Variants in ADAMTSL3 observed in about 807,000 individuals in gnomAD.
The protein encoded by ADAMTSL3 is ADAMTS like 3.
Under a neutral mutation model 201.7 loss-of-function variants are expected in ADAMTSL3, and 128 were observed. The observed-to-expected ratio is 0.63, with a 90% CI of 0.55 to 0.73. The LOEUF (loss-of-function observed/expected upper bound fraction) is 0.73. Among genes scored for constraint, ADAMTSL3 ranks in the 30% least tolerant of loss-of-function variants. ADAMTSL3 has a pLI of 0.00. For synonymous variants in ADAMTSL3, 738 were observed against 748.4 expected (o/e 0.99, Z 0.23); for missense variants, 1,990 against 2,119.6 (o/e 0.94, Z 1.20).
At chr15:83,677,249 C>G (rs561210192) in intron 2 of ADAMTSL3, among the ~76,000 whole-genome samples, 88 of 152,094 alleles carry the variant, frequency 5.8e-4, no homozygotes, top group African/African-American at 9.4e-4. Context: ...GTGTATTCTG[C>G]TGTTGTTGGG....
intron 19 of ADAMTSL3, among the ~76,000 whole-genome samples, chr15:83,947,781 A>G (rs2066681077): frequency 6.6e-6 from 1 of 152,078 alleles, no homozygotes; most frequent in African/African-American, 2.4e-5. Flanking sequence ...ACTGTGGTTG[A>G]TTCTGTGTCC....
intron 8 of ADAMTSL3, among the ~76,000 whole-genome samples, chr15:83,866,457 T>C (rs1255306797): frequency 6.6e-6 from 1 of 152,086 alleles, no homozygotes; most frequent in East Asian, 1.9e-4. Context: ...ATGTCCTTTG[T>C]AGGGACATGG....
chr15:84,014,695 C>A lies in ADAMTSL3; in HGVS notation c.4127C>A (p.Ala1376Glu). The A allele has an allele frequency of 6.2e-7, 1 of 1,610,882 alleles. No individual in the cohort carries two copies. The highest frequency in any genetic ancestry group is 8.5e-7 in the Non-Finnish European group (1 of 1,179,158). ...VCIATNALGK[A>E]VATSVLHLLE... is the part of the protein sequence containing the mutation. ...ATAGCCACCAATGCTCTTGGAAAGG[C>A]AGTGGCAACATCTGTACTCCACTTG... is the stretch of plus-strand genomic sequence containing the variant. Residue 1376 changes from alanine to glutamate, a missense_variant, in exon 24 of 30, where the codon GCA becomes GAA. Transcript: ENST00000286744.
intron 2 of ADAMTSL3, among the ~76,000 whole-genome samples, chr15:83,667,067 G>A (rs1426553500): frequency 6.6e-6 from 1 of 151,892 alleles, no homozygotes; most frequent in Non-Finnish European, 1.5e-5. Context: ...TAGTCTAGGA[G>A]GCTCTTAATT....
chr15:83,748,524 A>G (rs974433061), intron 3 of ADAMTSL3, among the ~76,000 whole-genome samples: 7 of 151,818 alleles, frequency 4.6e-5, no homozygotes, highest in African/African-American at 9.7e-5. Flanking sequence ...GGTGGTATGC[A>G]CTTGTAGTCC....
At chr15:83,659,843 C>T (rs1438168363) in intron 2 of ADAMTSL3, among the ~76,000 whole-genome samples, 5 of 152,106 alleles carry the variant, frequency 3.3e-5, no homozygotes, top group Non-Finnish European at 5.9e-5. Flanking sequence ...CAGGAGCTAA[C>T]GCATGCCAGC....
chr15:83,801,820 TAATC>T (rs1035620931), intron 4 of ADAMTSL3, among the ~76,000 whole-genome samples: 17 of 149,940 alleles, frequency 1.1e-4, no homozygotes, highest in Admixed American at 1.0e-3. Context: ...AATCTGAAAA[TAATC>T]AGCAGCATTG....
chr15:83,809,119 G>A (rs998010107), intron 5 of ADAMTSL3, among the ~76,000 whole-genome samples: 2 of 152,052 alleles, frequency 1.3e-5, no homozygotes, highest in African/African-American at 4.8e-5. Context: ...TCTCAATTTA[G>A]CCAGAAGAGA....
At chr15:83,814,811 G>T (rs1033190196) in intron 5 of ADAMTSL3, among the ~76,000 whole-genome samples, 3 of 152,160 alleles carry the variant, frequency 2.0e-5, no homozygotes, top group Non-Finnish European at 4.4e-5. Flanking sequence ...TTGCCTAAAT[G>T]TCTGATCTAC....
At chr15:83,872,763 A>G (rs1259690156) in intron 9 of ADAMTSL3, among the ~76,000 whole-genome samples, 1 of 111,448 alleles carries the variant, frequency 9.0e-6, no homozygotes, top group East Asian at 4.1e-4. Flanking sequence ...TAGTATTTCA[A>G]GATATTGTTT....
At chr15:83,784,628 C>G (rs1347773127) in intron 4 of ADAMTSL3, among the ~76,000 whole-genome samples, 7 of 152,066 alleles carry the variant, frequency 4.6e-5, no homozygotes, top group Non-Finnish European at 8.8e-5. Context: ...AAATTTTTCC[C>G]TGAAATTTTA....
At chr15:83,687,038 A>G (rs2061546098) in intron 2 of ADAMTSL3, among the ~76,000 whole-genome samples, 1 of 142,648 alleles carries the variant, frequency 7.0e-6, no homozygotes, top group African/African-American at 2.5e-5. Flanking sequence ...AAACAAACAA[A>G]CAAACAAACA....
intron 3 of ADAMTSL3, among the ~76,000 whole-genome samples, chr15:83,758,173 C>T (rs188037994): frequency 2.0e-5 from 3 of 152,062 alleles, no homozygotes; most frequent in African/African-American, 4.8e-5. Context: ...TGTATTAGTC[C>T]GTTTTCATGC....
At chr15:83,742,809 CCTT>C (rs1229896074) in intron 3 of ADAMTSL3, among the ~76,000 whole-genome samples, 11 of 152,102 alleles carry the variant, frequency 7.2e-5, no homozygotes, top group African/African-American at 1.2e-4. Flanking sequence ...AATGGGGTCA[CCTT>C]CTTCGGTCTG....
intron 3 of ADAMTSL3, among the ~76,000 whole-genome samples, chr15:83,745,324 T>A (rs1334469955): frequency 1.3e-5 from 2 of 152,238 alleles, no homozygotes; most frequent in Non-Finnish European, 2.9e-5. Flanking sequence ...TGGGTGCCAT[T>A]TGTGTGGATG....
chr15:83,894,818 C>CATAT (rs72182889), intron 13 of ADAMTSL3, among the ~76,000 whole-genome samples: 2,277 of 150,526 alleles, frequency 0.015, 61 homozygotes, highest in African/African-American at 0.052. Context: ...GTCAAAATAA[C>CATAT]ATATATATAT....
intron 3 of ADAMTSL3, among the ~76,000 whole-genome samples, chr15:83,761,025 A>G (rs1171756111): frequency 1.3e-5 from 2 of 152,138 alleles, no homozygotes; most frequent in African/African-American, 4.8e-5. Flanking sequence ...CCATCTGCCT[A>G]CATTCCTTTT....
intron 4 of ADAMTSL3, among the ~76,000 whole-genome samples, chr15:83,788,108 CTTT>C (rs916321200): frequency 6.6e-6 from 1 of 152,018 alleles, no homozygotes; most frequent in Non-Finnish European, 1.5e-5. Flanking sequence ...AATTACCTTG[CTTT>C]TTTATTTGCT....
At chr15:83,823,943 CTTCTTCTTCTTCTT>C in intron 6 of ADAMTSL3, among the ~76,000 whole-genome samples, 1 of 104,374 alleles carries the variant, frequency 9.6e-6, no homozygotes, top group Non-Finnish European at 2.2e-5. Context: ...TCTTCTTCTT[CTTCTTCTTCTTCTT>C]CTTCTTCTTC....
Sources: gnomAD v4.1 joint callset for allele counts (sites outside exome capture counted in the v4.1 genomes callset) on GRCh38, gnomAD v4.1.1 for gene constraint, MANE v1.5 for transcripts, NCBI Gene and HGNC (gene_info 2026-07-23, HGNC 2026-07-21) for gene names.